The following NIPBL variants were observed in gnomAD, a reference collection of about 807,000 sequenced individuals.
The protein encoded by NIPBL is NIPBL cohesin loading factor, also known as nipped-B-like protein.
A neutral mutation model predicts 321.8 loss-of-function variants in NIPBL; 19 were observed. The observed-to-expected ratio is 0.06, with a 90% CI of 0.04 to 0.09. The LOEUF is 0.09. Among genes scored for constraint, NIPBL ranks in the 10% least tolerant of loss-of-function variants. NIPBL has a pLI of 1.00. For synonymous variants in NIPBL, 1,106 were observed against 1,114.1 expected (o/e 0.99, Z 0.14); for missense variants, 2,210 against 3,327.0 (o/e 0.66, Z 8.26).
intron 44 of NIPBL, 90 bp downstream of exon 44, chr5:37,059,255 CCAA>C: frequency 2.1e-6 from 3 of 1,434,898 alleles, no homozygotes; most frequent in Non-Finnish European, 2.9e-6. Context: ...GCCTGTAATC[CCAA>C]CATTTTGGGA....
chr5:37,029,742 G>A (rs933628845), intron 32 of NIPBL, among the ~76,000 whole-genome samples: 4 of 152,130 alleles, frequency 2.6e-5, no homozygotes, highest in Non-Finnish European at 1.5e-5. Flanking sequence ...TAAAACTTTA[G>A]CCATTTTGGT....
intron 1 of NIPBL, among the ~76,000 whole-genome samples, chr5:36,940,847 C>T (rs1738986459): frequency 6.6e-6 from 1 of 152,086 alleles, no homozygotes; most frequent in Non-Finnish European, 1.5e-5. Context: ...CAATGCTAGG[C>T]ATATGTTAAG....
In NIPBL at chr5:36,995,650, A is replaced by C; in HGVS notation, c.3150A>C (p.Glu1050Asp). 1.9e-6 allele frequency: 3 copies of C among 1,613,328 alleles called. No homozygotes were observed. The highest frequency in any genetic ancestry group is 2.5e-6 in the Non-Finnish European group (3 of 1,179,394). Reference protein sequence around the residue: ...KGSIDQSVLKELPPELLAEIE... With the variant: ...KGSIDQSVLKDLPPELLAEIE... ...GTATAGATCAATCAGTGTTAAAAGA[A>C]TTACCCCCTGAACTCCTGGCAGAAA... The change falls in exon 11 of 47, where the codon GAA becomes GAC. Residue 1050 changes from glutamate (E) to aspartate (D), a missense_variant. Around this residue, in one of 14 missense-constraint regions of NIPBL, gnomAD observed 381 missense variants for 642.3 expected, o/e 0.59. Transcript: ENST00000282516.
chr5:36,914,999 T>G (rs919960462), intron 1 of NIPBL, among the ~76,000 whole-genome samples: 1 of 152,056 alleles, frequency 6.6e-6, no homozygotes, highest in East Asian at 1.9e-4. Flanking sequence ...TTTTTCTTCT[T>G]AAAATTTATA....
intron 4 of NIPBL, among the ~76,000 whole-genome samples, chr5:36,960,588 A>G (rs1741505369): frequency 6.6e-6 from 1 of 152,172 alleles, no homozygotes; most frequent in Admixed American, 6.5e-5. Context: ...ACTCTTAGCA[A>G]ATCAACTTCT....
At chr5:37,052,300 CTAAGTA>C (rs1345762271) in intron 41 of NIPBL, 60 bp from the exon 42 acceptor site, 2 of 1,253,178 alleles carry the variant, frequency 1.6e-6, no homozygotes, top group Admixed American at 1.7e-5. Context: ...ATGTAATGCT[CTAAGTA>C]TATTTTTAAT....
intron 8 of NIPBL, among the ~76,000 whole-genome samples, chr5:36,974,005 G>C (rs145762206): frequency 1.1e-3 from 175 of 152,244 alleles, no homozygotes; most frequent in African/African-American, 4.1e-3. Context: ...TCTGTAAATT[G>C]TATGAATTTT....
intron 46 of NIPBL, 165 bp downstream of exon 46, chr5:37,064,143 T>G: frequency 3.5e-6 from 5 of 1,433,616 alleles, no homozygotes; most frequent in Non-Finnish European, 4.6e-6. Flanking sequence ...TACATCCTTT[T>G]GTAGAAAGTT....
intron 40 of NIPBL, 47 bp downstream of exon 40, chr5:37,049,348 G>T: frequency 6.4e-7 from 1 of 1,572,558 alleles, no homozygotes; most frequent in Non-Finnish European, 8.8e-7. Flanking sequence ...AGCAAGATTA[G>T]TTGTAATTTG....
At chr5:37,022,501 T>TA in intron 29 of NIPBL, 111 bp downstream of exon 29, 1 of 965,844 alleles carries the variant, frequency 1.0e-6, no homozygotes, top group Non-Finnish European at 1.5e-6. Flanking sequence ...TATATATTTA[T>TA]ATTGTCAAAT....
In NIPBL at chr5:37,007,412, A is replaced by G; in HGVS notation, c.4177A>G (p.Ile1393Val). 2 of 1,609,848 alleles carry G rather than the reference A, an allele frequency of 1.2e-6. No homozygotes were observed. Among genetic ancestry groups the G allele is most frequent in the South Asian group, 1.1e-5 (1 of 90,932 alleles). The change falls in exon 18 of 47, where the codon ATT becomes GTT. Residue 1393 changes from isoleucine to valine, a missense_variant. Coordinates refer to ENST00000282516, the MANE Select transcript of NIPBL (RefSeq NM_133433.4). ...AATGCTTTATAACAAAGTTTGTGAC[A>G]TTGTTAGCAGCTTATCAGAATTGCT... ...IVMLYNKVCD[I>V]VSSLSELLEI...
chr5:36,908,107 A>G lies in NIPBL; in HGVS notation c.-80+30929A>G, dbSNP rs143474148. Among the ~76,000 whole-genome samples the G allele has an allele frequency of 4.8e-3, 736 of 152,298 alleles. 4 individuals are homozygous for G. The highest frequency in any genetic ancestry group is 7.2e-3 in the Admixed American group (110 of 15,306). ...GGTAATGTGATTAACACAAAGATTC[A>G]TAAATATTTAATGGCAATAGAATAC... On this transcript the variant is annotated intron_variant, in intron 1 of 46. Transcript: ENST00000282516.
In NIPBL at chr5:36,975,798, A is replaced by C. The variant is rs373684382; in HGVS notation, c.891A>C (p.Leu297=). ...TAGGCTCAAGACCACCTTTAATCCT[A>C]CAATCTCAGTCTCTACCTTGTTCAT... ...TPKGSRPPLI[L]QSQSLPCSSP... is the part of the protein sequence containing the mutation. Residue 297 remains leucine (L), a synonymous_variant, in exon 9 of 47, where the codon CTA becomes CTC. Transcript: ENST00000282516. 19 of 1,613,622 alleles carry C rather than the reference A, an allele frequency of 1.2e-5. No individual in the cohort carries two copies. Among genetic ancestry groups the C allele is most frequent in the Non-Finnish European group, 1.4e-5 (17 of 1,179,850 alleles).
chr5:36,905,237 GATA>G (rs1455124187), intron 1 of NIPBL, among the ~76,000 whole-genome samples: 9 of 152,186 alleles, frequency 5.9e-5, no homozygotes, highest in African/African-American at 2.2e-4. Context: ...TTTACTAAGA[GATA>G]ATATTACTGT....
Position 37,039,901 on chromosome 5 carries a change from T to C in NIPBL, c.6108+1163T>C, listed in dbSNP as rs190033229. Among the ~76,000 whole-genome samples the C allele has an allele frequency of 4.2e-3, 644 of 152,304 alleles. 2 individuals carry two copies. Among genetic ancestry groups the C allele is most frequent in the Admixed American group, 7.1e-3 (109 of 15,300 alleles). On this transcript the variant is annotated intron_variant, in intron 34 of 46. Coordinates refer to ENST00000282516, the MANE Select transcript of NIPBL (RefSeq NM_133433.4). ...GTTCGTATTAGATCCAGAAATAAATTGTTTAATAATTGTGGCTAATAATAG... is the reference window on the plus strand; with the variant it reads ...GTTCGTATTAGATCCAGAAATAAATCGTTTAATAATTGTGGCTAATAATAG...
intron 42 of NIPBL, among the ~76,000 whole-genome samples, chr5:37,053,072 A>T (rs1444944930): frequency 6.6e-6 from 1 of 152,168 alleles, no homozygotes; most frequent in Non-Finnish European, 1.5e-5. Flanking sequence ...CATGGATAGT[A>T]CTAATTATTA....
chr5:36,887,566 G>A (rs1332813609), intron 1 of NIPBL, among the ~76,000 whole-genome samples: 1 of 152,100 alleles, frequency 6.6e-6, no homozygotes, highest in Non-Finnish European at 1.5e-5. Flanking sequence ...TTCTCTTGTT[G>A]TTTGCTTATG....
chr5:36,927,129 C>A (rs1001322080), intron 1 of NIPBL, among the ~76,000 whole-genome samples: 1 of 152,064 alleles, frequency 6.6e-6, no homozygotes, highest in African/African-American at 2.4e-5. Flanking sequence ...TTTTGTATCA[C>A]GACTTGAGTT....
chr5:36,995,361 A>G, intron 10 of NIPBL: 2 of 307,632 alleles, frequency 6.5e-6, no homozygotes, highest in Non-Finnish European at 5.9e-6. Flanking sequence ...TATATCAAAA[A>G]TGTATTATAT....
Sources: allele counts gnomAD v4.1 joint callset (sites outside exome capture counted in the v4.1 genomes callset), GRCh38; gene constraint gnomAD v4.1.1; regional missense constraint gnomAD v4.1.1; transcripts MANE v1.5; gene names NCBI Gene and HGNC (gene_info 2026-07-23, HGNC 2026-07-21).